Variants in CRMP1 observed in about 807,000 individuals in gnomAD.
CRMP1 encodes the protein collapsin response mediator protein 1.
Under a neutral mutation model 68.3 loss-of-function variants are expected in CRMP1, and 19 were observed. That is an observed-to-expected ratio of 0.28 (90% CI 0.19 to 0.41). The LOEUF (loss-of-function observed/expected upper bound fraction) is 0.41, where lower values mean the gene tolerates loss of function less well. Ranked by LOEUF, CRMP1 falls within the 10% of genes least tolerant of loss-of-function variation. The pLI is 1.00. For synonymous variants in CRMP1, 439 were observed against 399.6 expected, an observed-to-expected ratio of 1.10 and a Z score of -1.18; for missense variants, 791 against 967.4, an observed-to-expected ratio of 0.82 and a Z score of 2.42.
Position 5,834,432 on chromosome 4 carries a change from A to G in CRMP1, c.1623+1483T>C, listed in dbSNP as rs973747794. On this transcript the variant is annotated intron_variant, in intron 11 of 13. Transcript: ENST00000324989. The surrounding 1 kb of genome is among the most constrained non-coding windows in gnomAD (Gnocchi z 4.3). ...AGCGTCCTCTTGATACTTCTTTCAC[A>G]CTTGTCCTGTCTTATCCTTCTGCCC... is the stretch of plus-strand genomic sequence containing the variant. Among the ~76,000 whole-genome samples, 1 of 152,152 alleles carries G rather than the reference A, an allele frequency of 6.6e-6. No homozygotes were observed. Among genetic ancestry groups the G allele is most frequent in the African/African-American group, 2.4e-5 (1 of 41,434 alleles).
intron 11 of CRMP1, among the ~76,000 whole-genome samples, chr4:5,833,207 C>T (rs1363479633): frequency 7.6e-6 from 1 of 132,120 alleles, no homozygotes; most frequent in Non-Finnish European, 1.6e-5. Context: ...CGCTCTGTCG[C>T]CCAGGCTGGA....
intron 13 of CRMP1, among the ~76,000 whole-genome samples, chr4:5,823,038 G>A (rs1718935917): frequency 6.6e-6 from 1 of 152,156 alleles, no homozygotes; most frequent in African/African-American, 2.4e-5. Flanking sequence ...CTGTCTTGGT[G>A]AATTTTTTTT....
chr4:5,864,956 G>A (rs1483487051), intron 2 of CRMP1, among the ~76,000 whole-genome samples: 1 of 150,874 alleles, frequency 6.6e-6, no homozygotes, highest in Non-Finnish European at 1.5e-5. Flanking sequence ...TTGGGGGGTG[G>A]GCTGGGGGGA....
chr4:5,848,575 G>A (rs1409210433), intron 6 of CRMP1, among the ~76,000 whole-genome samples: 3 of 152,160 alleles, frequency 2.0e-5, no homozygotes, highest in African/African-American at 7.2e-5. Flanking sequence ...CAAAACTTTT[G>A]CATGGCTGCA....
chr4:5,885,399 C>G (rs1368382267), intron 1 of CRMP1, among the ~76,000 whole-genome samples: 1 of 152,336 alleles, frequency 6.6e-6, no homozygotes, highest in African/African-American at 2.4e-5. Flanking sequence ...TACACCAGCA[C>G]TTCTTCCCAT....
At chr4:5,827,394 G>A (rs1021594556) in intron 12 of CRMP1, among the ~76,000 whole-genome samples, 1 of 152,174 alleles carries the variant, frequency 6.6e-6, no homozygotes, top group African/African-American at 2.4e-5. Flanking sequence ...CAAAGCATCT[G>A]TGCGACTTGG....
In CRMP1 at chr4:5,890,235, T is replaced by C. The variant is rs1715877331; in HGVS notation, c.381+2354A>G. The C allele has an allele frequency of 6.4e-6, 1 of 156,328 alleles. No homozygotes were observed. 9.7% of individuals were successfully genotyped at this position (156,328 alleles called of 1,614,324 possible). A position where few individuals can be genotyped will look rare whatever the true frequency, so the allele number is the denominator to read the frequency against. On this transcript the variant is annotated intron_variant, in intron 1 of 13. Coordinates refer to ENST00000324989, the MANE Select transcript of CRMP1 (RefSeq NM_001014809.3). The surrounding 1 kb of genome is among the most constrained non-coding windows in gnomAD (Gnocchi z 5.5). Reference sequence around the variant, plus strand: ...TCTGGAGATCTGAGCAGAAAGCCCCTACAGCAAGGGACAAGACCACGTGCG... The same window carrying C: ...TCTGGAGATCTGAGCAGAAAGCCCCCACAGCAAGGGACAAGACCACGTGCG...
At position 5,888,109 on chromosome 4, in the gene CRMP1, G is replaced by C; in HGVS notation, c.381+4480C>G. 8.7e-7 allele frequency: 1 copy of C among 1,151,734 alleles called. No individual in the cohort carries two copies. The highest frequency in any genetic ancestry group is 1.1e-6 in the Non-Finnish European group (1 of 918,560). 71.3% of individuals were successfully genotyped at this position (1,151,734 alleles called of 1,614,324 possible). ...CGAGACCGGCCCCGCCCCACCCGCG[G>C]CGACGCAGGAGGCCTCGGGGGGCGC... On this transcript the variant is annotated intron_variant, in intron 1 of 13. Coordinates refer to ENST00000324989, the MANE Select transcript of CRMP1 (RefSeq NM_001014809.3). This position sits in a 1 kb window ranked among gnomAD's most constrained non-coding sequence, Gnocchi z 6.4.
Position 5,843,229 on chromosome 4 carries a change from C to A in CRMP1, c.964-68G>T. Reference sequence around the variant, plus strand: ...GAGCTGGGAGAAGTGACTCCTCCAACCCCCTGGTTAGACAGAGGGGGCAGC... The same window carrying A: ...GAGCTGGGAGAAGTGACTCCTCCAAACCCCTGGTTAGACAGAGGGGGCAGC... On this transcript the variant is annotated intron_variant, in intron 6 of 13. Coordinates refer to ENST00000324989, the MANE Select transcript of CRMP1 (RefSeq NM_001014809.3). This position sits in a 1 kb window ranked among gnomAD's most constrained non-coding sequence, Gnocchi z 4.1. The A allele has an allele frequency of 6.5e-7, 1 of 1,543,160 alleles. No individual in the cohort carries two copies.
At position 5,889,904 on chromosome 4, in the gene CRMP1, A is replaced by T; in HGVS notation, c.381+2685T>A. On this transcript the variant is annotated intron_variant, in intron 1 of 13. Coordinates refer to ENST00000324989, the MANE Select transcript of CRMP1 (RefSeq NM_001014809.3). This position sits in a 1 kb window ranked among gnomAD's most constrained non-coding sequence, Gnocchi z 4.5. ...GAAGCCAGCTCAGTATCCCAGGAAC[A>T]CTAGGCATAATTTTCCCATTTTACA... is the stretch of plus-strand genomic sequence containing the variant. 1.4e-6 allele frequency: 2 copies of T among 1,401,858 alleles called. No homozygotes were observed. 86.8% of individuals were successfully genotyped at this position (1,401,858 alleles called of 1,614,324 possible). A position where few individuals can be genotyped will look rare whatever the true frequency, so the allele number is the denominator to read the frequency against.
At chr4:5,848,473 G>A (rs140722360) in intron 6 of CRMP1, among the ~76,000 whole-genome samples, 3,936 of 152,256 alleles carry the variant, frequency 0.026, 71 homozygotes, top group South Asian at 0.044. Context: ...TATTACAGGC[G>A]TGAGCCACAA....
intron 4 of CRMP1, among the ~76,000 whole-genome samples, chr4:5,852,556 C>T (rs573033764): frequency 6.6e-6 from 1 of 152,198 alleles, no homozygotes; most frequent in South Asian, 2.1e-4. Flanking sequence ...TACTGAGAGC[C>T]TGCTGTATGC....
rs1178692829 is a variant in CRMP1 at position 5,854,768 on chromosome 4, C to A, written c.820+1375G>T. ...GCCCAATGGTGCAAAGGTGCAGGGA[C>A]TAGAGATTCTGGCATAGGATTTGCA... On this transcript the variant is annotated intron_variant, in intron 4 of 13. Coordinates refer to ENST00000324989, the MANE Select transcript of CRMP1 (RefSeq NM_001014809.3). This position sits in a 1 kb window ranked among gnomAD's most constrained non-coding sequence, Gnocchi z 4.0. Among the ~76,000 whole-genome samples the A allele has an allele frequency of 1.3e-5, 2 of 152,168 alleles. No individual in the cohort carries two copies. Among genetic ancestry groups the A allele is most frequent in the Non-Finnish European group, 2.9e-5 (2 of 68,044 alleles).
rs530128361 is a variant in CRMP1 at position 5,864,110 on chromosome 4, A to G, written c.470+2558T>C. Reference sequence around the variant, plus strand: ...GTCCTAGGACTCTTGATGTTGACACATAACAGCAGGCACTTAATGAATGCA... The same window carrying G: ...GTCCTAGGACTCTTGATGTTGACACGTAACAGCAGGCACTTAATGAATGCA... On this transcript the variant is annotated intron_variant, in intron 2 of 13. Coordinates refer to ENST00000324989, the MANE Select transcript of CRMP1 (RefSeq NM_001014809.3). Among the ~76,000 whole-genome samples, 3 of 152,300 alleles carry G rather than the reference A, an allele frequency of 2.0e-5. No individual in the cohort carries two copies. The East Asian group carries it at 5.8e-4, about 29-fold the overall frequency.
intron 4 of CRMP1, 37 bp from the exon 5 acceptor site, chr4:5,851,506 A>C: frequency 6.3e-7 from 1 of 1,579,294 alleles, no homozygotes; most frequent in Non-Finnish European, 8.7e-7. Flanking sequence ...AATATGTTTA[A>C]GAAAAAACAG....
At position 5,834,425 on chromosome 4, in the gene CRMP1, C is replaced by G. The variant is rs746094266; in HGVS notation, c.1623+1490G>C. Among the ~76,000 whole-genome samples, 10 of 152,232 alleles carry G rather than the reference C, an allele frequency of 6.6e-5. No individual in the cohort carries two copies. Among genetic ancestry groups the G allele is most frequent in the Non-Finnish European group, 1.2e-4 (8 of 68,050 alleles). On this transcript the variant is annotated intron_variant, in intron 11 of 13. Transcript: ENST00000324989. This position sits in a 1 kb window ranked among gnomAD's most constrained non-coding sequence, Gnocchi z 4.3. The stretch of plus-strand genomic sequence containing the variant: ...CAAATTCAGCGTCCTCTTGATACTT[C>G]TTTCACACTTGTCCTGTCTTATCCT...
chr4:5,839,162 G>C (rs1239503951), intron 9 of CRMP1, among the ~76,000 whole-genome samples: 1 of 152,224 alleles, frequency 6.6e-6, no homozygotes, highest in Non-Finnish European at 1.5e-5. Flanking sequence ...AGTAAAACGA[G>C]GGAGACAGAG....
Position 5,821,735 on chromosome 4 carries a change from G to A in CRMP1, c.*25C>T, listed in dbSNP as rs1198491985. ...TGGACATGATTCCCAGAATCCTTCA[G>A]GCTAGCTCCTCCGCGCATCCACGTT... On this transcript the variant is annotated 3_prime_UTR_variant, in exon 14 of 14. Transcript: ENST00000324989. The surrounding 1 kb of genome is among the most constrained non-coding windows in gnomAD (Gnocchi z 4.4). 1 of 1,584,732 alleles carries A rather than the reference G, an allele frequency of 6.3e-7. No homozygotes were observed. Among genetic ancestry groups the A allele is most frequent in the African/African-American group, 1.3e-5 (1 of 74,740 alleles).
At position 5,881,859 on chromosome 4, in the gene CRMP1, T is replaced by A. The variant is rs1339357356; in HGVS notation, c.381+10730A>T. On this transcript the variant is annotated intron_variant, in intron 1 of 13. Transcript: ENST00000324989. This position sits in a 1 kb window ranked among gnomAD's most constrained non-coding sequence, Gnocchi z 4.6. ...CTGGTTGTTGAAATAGCTTGCATTT[T>A]TCTGTCTTCTACCAATACCTTTTGT... is the stretch of plus-strand genomic sequence containing the variant. 6.6e-6 allele frequency among the ~76,000 whole-genome samples: 1 copy of A among 152,182 alleles called. No homozygotes were observed.
Sources: allele counts gnomAD v4.1 joint callset (sites outside exome capture counted in the v4.1 genomes callset), GRCh38; gene constraint gnomAD v4.1.1; non-coding constraint Gnocchi (gnomAD v3.1); transcripts MANE v1.5; gene names NCBI Gene and HGNC (gene_info 2026-07-23, HGNC 2026-07-21).